The following PHF10 variants were observed in gnomAD, a reference collection of about 807,000 sequenced individuals.
The protein encoded by PHF10 is PHD finger protein 10.
PHF10 carries 51 observed loss-of-function variants against 68.5 expected under a neutral mutation model. That is an observed-to-expected ratio of 0.74 (90% confidence interval 0.59 to 0.94). The LOEUF is 0.94. Among genes scored for constraint, PHF10 ranks in the 40% least tolerant of loss-of-function variants. The pLI is 0.00. For synonymous variants in PHF10, 204 were observed against 203.5 expected, an observed-to-expected ratio of 1.00 and a Z score of -0.02; for missense variants, 460 against 602.6, an observed-to-expected ratio of 0.76 and a Z score of 2.48.
In PHF10 at chr6:169,704,035, C is replaced by T. The variant is rs1341280226; in HGVS notation, c.1465G>A (p.Gly489Ser). The T allele has an allele frequency of 1.2e-6, 2 of 1,600,336 alleles. No homozygotes were observed. The highest frequency in any genetic ancestry group is 2.7e-5 in the African/African-American group (2 of 74,016). The change falls in exon 12 of 12, where the codon GGC becomes AGC. Residue 489 changes from glycine to serine, a missense_variant. This residue lies in a region of PHF10 where 111 missense variants were observed against 109.7 expected (regional missense o/e 1.01). Coordinates refer to ENST00000339209, the MANE Select transcript of PHF10 (RefSeq NM_018288.4). Reference sequence around the variant, plus strand: ...TCTTTGCTGTTTTTCCCCCTTCTGCCCACTTTCCTGGGTGTTGGGGGGGCC... The same window carrying T: ...TCTTTGCTGTTTTTCCCCCTTCTGCTCACTTTCCTGGGTGTTGGGGGGGCC... ...QRAPPTPRKVGRRGKNSKEG is the reference protein window; with the variant it reads ...QRAPPTPRKVSRRGKNSKEG
chr6:169,705,620 AT>A lies in PHF10; in HGVS notation c.1217del (p.Asn406IlefsTer10). On this transcript the variant is annotated frameshift_variant, in exon 10 of 12. Coordinates refer to ENST00000339209, the MANE Select transcript of PHF10 (RefSeq NM_018288.4). LOFTEE classifies it high-confidence loss of function. ...AAAAGACATTTCAATACTTACCACT[AT>A]TCTCACATTGGGAGCAGTGTATAAG... is the stretch of plus-strand genomic sequence containing the variant. ...ESLIHCSQCE[N>X]SGHPSCLDMT... 1 of 1,385,502 alleles carries A rather than the reference AT, an allele frequency of 7.2e-7. No individual in the cohort carries two copies. The highest frequency in any genetic ancestry group is 1.0e-6 in the Non-Finnish European group (1 of 971,828). 85.8% of individuals were successfully genotyped at this position (1,385,502 alleles called of 1,614,324 possible).
intron 1 of PHF10, 132 bp downstream of exon 1, chr6:169,723,713 G>C: frequency 7.8e-6 from 2 of 257,204 alleles, no homozygotes; most frequent in Non-Finnish European, 1.3e-5. Flanking sequence ...ACCACCCCCG[G>C]TCTCAGGCGC....
intron 8 of PHF10, 60 bp from the exon 9 acceptor site, chr6:169,710,451 T>C: frequency 4.2e-6 from 5 of 1,176,770 alleles, no homozygotes; most frequent in Non-Finnish European, 6.2e-6. Flanking sequence ...TGAGTCTGGA[T>C]TTTGAAAACT....
chr6:169,706,216 G>A (rs1788779215), intron 9 of PHF10, among the ~76,000 whole-genome samples: 1 of 151,802 alleles, frequency 6.6e-6, no homozygotes, highest in African/African-American at 2.4e-5. Context: ...TTGGTATAGT[G>A]GTATTTAAAA....
intron 8 of PHF10, among the ~76,000 whole-genome samples, 171 bp from the exon 9 acceptor site, chr6:169,710,562 T>C (rs560089180): frequency 1.3e-5 from 2 of 152,052 alleles, no homozygotes; most frequent in South Asian, 4.1e-4. Context: ...CTAAAGTAAG[T>C]TATGTTAAAA....
At position 169,704,060 on chromosome 6, in the gene PHF10, C is replaced by A; in HGVS notation, c.1440G>T (p.Arg480=). The change falls in exon 12 of 12, where the codon CGG becomes CGT. Residue 480 remains arginine, a synonymous_variant. Transcript: ENST00000339209. ...CCACTTTCCTGGGTGTTGGGGGGGC[C>A]CGCTGACAACAGTCACAAATCCAGC... ...SGRWICDCCQ[R]APPTPRKVGR... 1.3e-6 allele frequency: 2 copies of A among 1,580,292 alleles called. No individual in the cohort carries two copies. The highest frequency in any genetic ancestry group is 2.3e-5 in the East Asian group (1 of 43,928).
intron 9 of PHF10, 71 bp downstream of exon 9, chr6:169,710,163 GAA>G (rs1211953454): frequency 1.7e-6 from 2 of 1,169,942 alleles, no homozygotes; most frequent in Non-Finnish European, 1.2e-6. Flanking sequence ...CCACAATCGT[GAA>G]AGTCAAGTTA....
chr6:169,720,791 TTAA>T (rs983357876), intron 2 of PHF10, among the ~76,000 whole-genome samples: 66 of 152,366 alleles, frequency 4.3e-4, no homozygotes, highest in African/African-American at 1.5e-3. Flanking sequence ...GTTAAAATGA[TTAA>T]TTTTATGTAT....
At chr6:169,712,185 C>T (rs143722392) in intron 8 of PHF10, among the ~76,000 whole-genome samples, 163 of 152,210 alleles carry the variant, frequency 1.1e-3, no homozygotes, top group African/African-American at 3.7e-3. Flanking sequence ...TACAAAGGGG[C>T]GATTTTAAGC....
At chr6:169,714,653 A>C in intron 7 of PHF10, 80 bp downstream of exon 7, 1 of 761,178 alleles carries the variant, frequency 1.3e-6, no homozygotes. Context: ...AGACCCCAAA[A>C]TTGTTAGGAG....
At position 169,723,956 on chromosome 6, in the gene PHF10, C is replaced by CCGCCGCCGT. The variant is rs1277497350; in HGVS notation, c.-34_-26dup. ...TCAGCCCGAGCGCCCCGCGCCGCCG[C>CCGCCGCCGT]CGCCGCCGTCGCCTCCGCCTTGTCC... On this transcript the variant is annotated 5_prime_UTR_variant, in exon 1 of 12. Transcript: ENST00000339209. 8.8e-6 allele frequency: 7 copies of CCGCCGCCGT among 798,350 alleles called. No individual in the cohort carries two copies. The highest frequency in any genetic ancestry group is 1.9e-5 in the African/African-American group (1 of 52,834). 49.5% of individuals were successfully genotyped at this position (798,350 alleles called of 1,614,324 possible).
chr6:169,718,382 C>CCA (rs1414963248), intron 3 of PHF10, among the ~76,000 whole-genome samples: 1 of 152,116 alleles, frequency 6.6e-6, no homozygotes, highest in African/African-American at 2.4e-5. Flanking sequence ...TGAAACACAG[C>CCA]CAGGCGTGGT....
At chr6:169,714,194 T>A (rs1362411017) in intron 7 of PHF10, among the ~76,000 whole-genome samples, 1 of 152,146 alleles carries the variant, frequency 6.6e-6, no homozygotes, top group Non-Finnish European at 1.5e-5. Context: ...AAGTAACATT[T>A]AGGGTCCATA....
chr6:169,721,591 G>C (rs1383512483), intron 1 of PHF10, among the ~76,000 whole-genome samples: 4 of 151,936 alleles, frequency 2.6e-5, no homozygotes, highest in Non-Finnish European at 5.9e-5. Flanking sequence ...CTAAAATTTA[G>C]CAAAAATATA....
At chr6:169,717,212 G>C (rs1201352185) in intron 4 of PHF10, among the ~76,000 whole-genome samples, 1 of 152,140 alleles carries the variant, frequency 6.6e-6, no homozygotes, top group Admixed American at 6.5e-5. Context: ...TCGCGCCACT[G>C]CATGCCAGCC....
At chr6:169,708,244 ATATAG>A (rs1788851117) in intron 9 of PHF10, 1 of 152,328 alleles carries the variant, frequency 6.6e-6, no homozygotes, top group South Asian at 2.1e-4. Flanking sequence ...GGTAGCAATA[ATATAG>A]TATAGATTTT....
chr6:169,707,242 C>G (rs1788823338), intron 9 of PHF10: 1 of 152,120 alleles, frequency 6.6e-6, no homozygotes, highest in Non-Finnish European at 1.5e-5. Flanking sequence ...GTCACATGCT[C>G]AAACCATTTA....
In PHF10 at chr6:169,715,790, G is replaced by A; in HGVS notation, c.611C>T (p.Ala204Val). The change falls in exon 6 of 12, where the codon GCC (alanine) becomes GTC (valine). Residue 204 changes from alanine (A) to valine (V), a missense_variant. Around this residue, in one of 3 missense-constraint regions of PHF10, gnomAD observed 256 missense variants for 410.5 expected, o/e 0.62. Coordinates refer to ENST00000339209, the MANE Select transcript of PHF10 (RefSeq NM_018288.4). ...GCTATTAAATTCTGCTGCTTTTTTG[G>A]CAGCTTTCTTAATATACTCAGGCAC... Reference protein sequence around the residue: ...SKVPEYIKKAAKKAAEFNSNL... With the variant: ...SKVPEYIKKAVKKAAEFNSNL... 6.2e-7 allele frequency: 1 copy of A among 1,613,118 alleles called. No individual in the cohort carries two copies. Among genetic ancestry groups the A allele is most frequent in the Non-Finnish European group, 8.5e-7 (1 of 1,179,602 alleles).
In PHF10 at chr6:169,714,819, C is replaced by T. The variant is rs770572853; in HGVS notation, c.717G>A (p.Lys239=). The change falls in exon 7 of 12, where the codon AAG becomes AAA. Residue 239 remains lysine, a synonymous_variant. Transcript: ENST00000339209. The stretch of plus-strand genomic sequence containing the variant: ...TTCGCTCTGTTGGCAAAACTTTGTA[C>T]TTCCCTTGAGGTACCTGGATAACCT... ...QTHVIQVPQG[K]YKVLPTERTK... is the part of the protein sequence containing the mutation. 18 of 1,591,192 alleles carry T rather than the reference C, an allele frequency of 1.1e-5. 1 individual carries two copies. In the South Asian group the frequency reaches 1.8e-4, roughly 16 times the overall value.
Sources: gnomAD v4.1 joint callset for allele counts (sites outside exome capture counted in the v4.1 genomes callset) on GRCh38, gnomAD v4.1.1 for gene constraint, gnomAD v4.1.1 regional missense constraint, MANE v1.5 for transcripts, NCBI Gene and HGNC (gene_info 2026-07-23, HGNC 2026-07-21) for gene names.